Variants in SERINC2 observed in about 807,000 individuals in gnomAD.
SERINC2 encodes serine incorporator 2.
SERINC2 carries 56 observed loss-of-function variants against 54.2 expected under a neutral mutation model. The ratio of observed to expected loss-of-function variants is 1.03; its 90% CI spans 0.83 to 1.29. The LOEUF is 1.29. SERINC2 is among the 50% of genes most tolerant of loss of function. SERINC2 has a pLI of 0.00. For synonymous variants in SERINC2, 272 were observed against 253.1 expected, an observed-to-expected ratio of 1.07 and a Z score of -0.71; for missense variants, 614 against 607.4, an observed-to-expected ratio of 1.01 and a Z score of -0.12.
intron 6 of SERINC2, 51 bp from the exon 7 acceptor site, chr1:31,428,927 G>A: frequency 6.8e-7 from 1 of 1,467,434 alleles, no homozygotes; most frequent in Non-Finnish European, 9.5e-7. Context: ...GGCTGGGTGG[G>A]GTGGGGTGTC....
chr1:31,432,192 T>G (rs1339387953), intron 8 of SERINC2, among the ~76,000 whole-genome samples: 3 of 81,390 alleles, frequency 3.7e-5, no homozygotes, highest in Non-Finnish European at 5.9e-5. Context: ...ATAGGGTGGT[T>G]AGAGTGGAGA....
At chr1:31,428,934 T>C in intron 6 of SERINC2, 44 bp from the exon 7 acceptor site, 1 of 1,515,630 alleles carries the variant, frequency 6.6e-7, no homozygotes, top group Non-Finnish European at 9.2e-7. Context: ...TGGGGTGGGG[T>C]GTCTCTGGTC....
intron 1 of SERINC2, chr1:31,414,317 GCAGCC>G: frequency 7.6e-7 from 1 of 1,307,204 alleles, no homozygotes; most frequent in Non-Finnish European, 9.7e-7. Flanking sequence ...GTTCATTCAG[GCAGCC>G]CCCTCCCCCT....
At chr1:31,433,501 G>A (rs1305926307) in intron 9 of SERINC2, among the ~76,000 whole-genome samples, 1 of 152,142 alleles carries the variant, frequency 6.6e-6, no homozygotes, top group Non-Finnish European at 1.5e-5. Flanking sequence ...CATGGTTGGA[G>A]GGTTAGGATC....
chr1:31,414,764 A>G, intron 1 of SERINC2: 1 of 985,444 alleles, frequency 1.0e-6, no homozygotes, highest in Non-Finnish European at 1.2e-6. Flanking sequence ...CCTGATTTCC[A>G]TCGGTTGCAC....
At chr1:31,418,318 A>G (rs1282685109) in intron 1 of SERINC2, among the ~76,000 whole-genome samples, 2 of 152,162 alleles carry the variant, frequency 1.3e-5, no homozygotes, top group Admixed American at 6.5e-5. Flanking sequence ...TAAATATGTG[A>G]GTCCCTGCTT....
chr1:31,423,634 G>A, intron 1 of SERINC2, 59 bp from the exon 2 acceptor site: 4 of 1,555,380 alleles, frequency 2.6e-6, no homozygotes, highest in Non-Finnish European at 3.5e-6. Context: ...GGCAGGTGGT[G>A]AGAGGTGCGC....
rs781876091 is a variant in SERINC2 at position 31,429,017 on chromosome 1, A to G, written c.820A>G (p.Ile274Val). 1.9e-6 allele frequency: 3 copies of G among 1,613,912 alleles called. No homozygotes were observed. Among genetic ancestry groups the G allele is most frequent in the African/African-American group, 1.3e-5 (1 of 74,980 alleles). The change falls in exon 7 of 10, where the codon ATC becomes GTC. Residue 274 changes from isoleucine (I) to valine (V), a missense_variant. By Grantham distance (29) the Ile-to-Val change is conservative. Coordinates refer to ENST00000373709, the MANE Select transcript of SERINC2 (RefSeq NM_178865.5). ...CTCGGGTCTGCTGCAGGCCTCGGTC[A>G]TCACCCTCTACACCATGTTTGTCAC... The part of the protein sequence containing the change: ...PNSGLLQASV[I>V]TLYTMFVTWS...
At chr1:31,410,492 CA>C, upstream of SERINC2, 1 of 1,546,706 alleles carries the variant, frequency 6.5e-7, no homozygotes, top group Middle Eastern at 1.9e-4. Flanking sequence ...TGGTCTTGGG[CA>C]GGCAGGAGGC....
rs781790746 is a variant in SERINC2 at position 31,423,715 on chromosome 1, C to T, written c.62C>T (p.Ala21Val). ...CAGGCGTCCTGCCTCTGCGGCTCTG[C>T]CCCCTGCATCCTGTGCAGCTGCTGC... ...LSCASCLCGS[A>V]PCILCSCCPA... is the part of the protein sequence containing the mutation. The change falls in exon 2 of 10, where the codon GCC becomes GTC. Residue 21 changes from alanine (A) to valine (V), a missense_variant. By Grantham distance (64) the Ala-to-Val change is moderately conservative. Coordinates refer to ENST00000373709, the MANE Select transcript of SERINC2 (RefSeq NM_178865.5). 103 of 1,610,622 alleles carry T rather than the reference C, an allele frequency of 6.4e-5. No individual in the cohort carries two copies. In the Middle Eastern group the frequency reaches 6.6e-4, roughly 10 times the overall value.
chr1:31,420,013 A>T (rs78340552), intron 1 of SERINC2, among the ~76,000 whole-genome samples: 5 of 151,736 alleles, frequency 3.3e-5, no homozygotes, highest in African/African-American at 7.3e-5. Flanking sequence ...TGTCTCAAAA[A>T]TTTTTCCCCC....
At chr1:31,428,942 G>A (rs1374730400) in intron 6 of SERINC2, 36 bp from the exon 7 acceptor site, 1 of 1,580,944 alleles carries the variant, frequency 6.3e-7, no homozygotes, top group East Asian at 2.2e-5. Context: ...GGTGTCTCTG[G>A]TCTGGCAGGG....
intron 1 of SERINC2, among the ~76,000 whole-genome samples, chr1:31,419,128 G>T (rs531931035): frequency 1.3e-5 from 2 of 152,310 alleles, no homozygotes; most frequent in East Asian, 3.9e-4. Context: ...CAGGAAGAGG[G>T]GAGTGGTTGT....
chr1:31,414,110 GC>G (rs1393277298), intron 1 of SERINC2: 12 of 1,446,022 alleles, frequency 8.3e-6, no homozygotes, highest in Non-Finnish European at 1.1e-5. Flanking sequence ...GGTTGGGAGA[GC>G]AGGAATCGAG....
chr1:31,429,539 G>T lies in SERINC2; in HGVS notation c.1013+1G>T, dbSNP rs111494207. The T allele has an allele frequency of 6.2e-7, 1 of 1,602,576 alleles. No individual in the cohort carries two copies. Among genetic ancestry groups the T allele is most frequent in the African/African-American group, 1.3e-5 (1 of 74,778 alleles). Reference sequence around the variant, plus strand: ...TCCTCCTGTGCACCCTCTTCATCAGGTATGGCCAGGTCTGGATTCTGGGGA... The same window carrying T: ...TCCTCCTGTGCACCCTCTTCATCAGTTATGGCCAGGTCTGGATTCTGGGGA... On this transcript the variant is annotated splice_donor_variant, in intron 8 of 9. Coordinates refer to ENST00000373709, the MANE Select transcript of SERINC2 (RefSeq NM_178865.5). LOFTEE classifies it high-confidence loss of function.
rs1464525770 is a variant in SERINC2 at position 31,422,483 on chromosome 1, C to T, written c.40-1210C>T. Among the ~76,000 whole-genome samples, 2 of 152,062 alleles carry T rather than the reference C, an allele frequency of 1.3e-5. 1 individual carries two copies. The highest frequency in any genetic ancestry group is 2.9e-5 in the Non-Finnish European group (2 of 68,014). On this transcript the variant is annotated intron_variant, in intron 1 of 9. Transcript: ENST00000373709. ...CCTGGCCTGCTCTCAGCTTAAAAGT[C>T]ACTTCTTCAAGGAGGGCTTCCCTGA...
At position 31,427,036 on chromosome 1, in the gene SERINC2, A is replaced by G. The variant is rs540355760; in HGVS notation, c.780+213A>G. ...TGCCCTAACCTCTCTCTGCCTCTCA[A>G]ATATTAAATGGAGATAATAAGACCT... On this transcript the variant is annotated intron_variant, in intron 6 of 9. Transcript: ENST00000373709. Among the ~76,000 whole-genome samples the G allele has an allele frequency of 3.3e-5, 5 of 152,232 alleles. No individual in the cohort carries two copies. The South Asian group carries it at 8.3e-4, about 25-fold the overall frequency.
chr1:31,414,110 G>T, intron 1 of SERINC2: 11 of 1,446,140 alleles, frequency 7.6e-6, no homozygotes, highest in Non-Finnish European at 1.0e-5. Context: ...GGTTGGGAGA[G>T]CAGGAATCGA....
chr1:31,426,146 T>C lies in SERINC2; in HGVS notation c.610+233T>C, dbSNP rs1423838263. On this transcript the variant is annotated intron_variant, in intron 5 of 9. Coordinates refer to ENST00000373709, the MANE Select transcript of SERINC2 (RefSeq NM_178865.5). ...TGGAGAGGCCTTGGAGGGGTCTTGTTTGGGGGTTCCTGCAGGGTGGGCCAC... is the reference window on the plus strand; with the variant it reads ...TGGAGAGGCCTTGGAGGGGTCTTGTCTGGGGGTTCCTGCAGGGTGGGCCAC... 3 of 517,112 alleles carry C rather than the reference T, an allele frequency of 5.8e-6. No homozygotes were observed. The African/African-American group carries it at 5.8e-5, about 10-fold the overall frequency. 32.0% of individuals were successfully genotyped at this position (517,112 alleles called of 1,614,324 possible). A position where few individuals can be genotyped will look rare whatever the true frequency, so the allele number is the denominator to read the frequency against.
Sources: gnomAD v4.1 joint callset for allele counts (sites outside exome capture counted in the v4.1 genomes callset) on GRCh38, gnomAD v4.1.1 for gene constraint, MANE v1.5 for transcripts, NCBI Gene and HGNC (gene_info 2026-07-23, HGNC 2026-07-21) for gene names.